PRKAR1B: variants seen among roughly 807,000 people sequenced by gnomAD.
PRKAR1B encodes protein kinase cAMP-dependent type I regulatory subunit beta.
In PRKAR1B, 22 loss-of-function variants were observed where a neutral mutation model predicts 46.5. The ratio of observed to expected loss-of-function variants is 0.47; its 90% confidence interval spans 0.34 to 0.68. The LOEUF (loss-of-function observed/expected upper bound fraction) is 0.68. Ranked by LOEUF, PRKAR1B falls within the 30% of genes least tolerant of loss-of-function variation. PRKAR1B has a pLI of 0.01. For synonymous variants in PRKAR1B, 259 were observed against 217.7 expected (o/e 1.19, Z -1.67); for missense variants, 445 against 535.6 (o/e 0.83, Z 1.67).
chr7:718,949 G>T (rs1439570536), intron 1 of PRKAR1B, among the ~76,000 whole-genome samples: 2 of 141,720 alleles, frequency 1.4e-5, no homozygotes, highest in South Asian at 4.6e-4. Context: ...ATAGCTCTTG[G>T]CAGCCTCAAC....
At chr7:659,516 G>A (rs747198804) in intron 4 of PRKAR1B, among the ~76,000 whole-genome samples, 10 of 152,172 alleles carry the variant, frequency 6.6e-5, no homozygotes, top group Non-Finnish European at 1.0e-4. Context: ...TGCGCATGCA[G>A]GCAGCTGTGA....
At chr7:669,866 TA>T (rs1786131859) in intron 4 of PRKAR1B, among the ~76,000 whole-genome samples, 1 of 140,436 alleles carries the variant, frequency 7.1e-6, no homozygotes, top group African/African-American at 2.7e-5. Context: ...CCACGTGCCA[TA>T]TTTTTTTTTT....
chr7:574,630 G>A, intron 9 of PRKAR1B, among the ~76,000 whole-genome samples: 1 of 152,300 alleles, frequency 6.6e-6, no homozygotes, highest in Non-Finnish European at 1.5e-5. Flanking sequence ...TTTTAGTAGA[G>A]ATGGGGTTTC....
intron 9 of PRKAR1B, among the ~76,000 whole-genome samples, chr7:556,596 G>T (rs142782069): frequency 6.6e-6 from 1 of 152,212 alleles, no homozygotes; most frequent in Non-Finnish European, 1.5e-5. Flanking sequence ...GTGAGGCAAA[G>T]GGGTCGGTCC....
chr7:624,633 TA>T (rs1196743831), intron 4 of PRKAR1B, among the ~76,000 whole-genome samples: 2 of 152,114 alleles, frequency 1.3e-5, no homozygotes, highest in Non-Finnish European at 2.9e-5. Context: ...AAGGAGGTAT[TA>T]AAAAACAGTG....
intron 9 of PRKAR1B, among the ~76,000 whole-genome samples, chr7:566,031 G>A (rs1220202064): frequency 6.6e-6 from 1 of 152,088 alleles, no homozygotes; most frequent in Non-Finnish European, 1.5e-5. Context: ...AGACATATTG[G>A]GAGGATAATG....
At chr7:642,620 G>A (rs1486536551) in intron 4 of PRKAR1B, among the ~76,000 whole-genome samples, 1 of 151,226 alleles carries the variant, frequency 6.6e-6, no homozygotes, top group African/African-American at 2.4e-5. Flanking sequence ...AGCTACTTGG[G>A]AGGCTGAGGC....
intron 4 of PRKAR1B, among the ~76,000 whole-genome samples, chr7:613,875 G>C (rs947936287): frequency 1.1e-4 from 16 of 152,280 alleles, no homozygotes; most frequent in South Asian, 8.3e-4. Flanking sequence ...CCAGCCTGCA[G>C]AGACCTCTCC....
intron 9 of PRKAR1B, among the ~76,000 whole-genome samples, chr7:555,757 G>C (rs1267050097): frequency 6.6e-6 from 1 of 152,142 alleles, no homozygotes; most frequent in Non-Finnish European, 1.5e-5. Flanking sequence ...TCAGAGTCCC[G>C]CTGCCTCCAC....
chr7:588,679 CG>C (rs1780764637), intron 7 of PRKAR1B, among the ~76,000 whole-genome samples: 1 of 23,334 alleles, frequency 4.3e-5, no homozygotes, highest in Non-Finnish European at 9.9e-5. Flanking sequence ...GTGGTGATGA[CG>C]ATGATGGTGA....
chr7:563,751 G>T (rs1260168440), intron 9 of PRKAR1B, among the ~76,000 whole-genome samples: 1 of 151,828 alleles, frequency 6.6e-6, no homozygotes, highest in East Asian at 1.9e-4. Flanking sequence ...GTATGTACGT[G>T]TGTGTGCTCA....
At chr7:693,706 G>A (rs776996196) in intron 2 of PRKAR1B, among the ~76,000 whole-genome samples, 18 of 152,114 alleles carry the variant, frequency 1.2e-4, no homozygotes, top group Non-Finnish European at 2.4e-4. Context: ...TGCTCCAAAC[G>A]CTCATGTAGA....
At chr7:614,302 T>C (rs1782684883) in intron 4 of PRKAR1B, among the ~76,000 whole-genome samples, 1 of 152,208 alleles carries the variant, frequency 6.6e-6, no homozygotes, top group South Asian at 2.1e-4. Flanking sequence ...AGCTCCAAGA[T>C]GGTGGAACAC....
intron 4 of PRKAR1B, among the ~76,000 whole-genome samples, chr7:616,884 C>T (rs1782852650): frequency 6.6e-6 from 1 of 152,112 alleles, no homozygotes; most frequent in African/African-American, 2.4e-5. Context: ...GCCCTTTATT[C>T]TCCATCCAAT....
intron 4 of PRKAR1B, among the ~76,000 whole-genome samples, chr7:656,184 G>T (rs1785175809): frequency 6.6e-6 from 1 of 152,174 alleles, no homozygotes; most frequent in Non-Finnish European, 1.5e-5. Context: ...GTGGAGGGGT[G>T]AATGAATGAA....
Position 725,162 on chromosome 7 carries a change from G to A in PRKAR1B, c.-23+2048C>T, listed in dbSNP as rs1036867692. 5.3e-5 allele frequency among the ~76,000 whole-genome samples: 8 copies of A among 151,376 alleles called. 1 individual carries two copies. The South Asian group carries it at 8.4e-4, about 16-fold the overall frequency. On this transcript the variant is annotated intron_variant, in intron 1 of 10. Coordinates refer to ENST00000537384, the MANE Select transcript of PRKAR1B (RefSeq NM_001164760.2). Reference sequence around the variant, plus strand: ...CTGGGAGGCAGAGTCTGCAGTGAGCGGAGATCGCGCCACTGCACTCCAGGC... The same window carrying A: ...CTGGGAGGCAGAGTCTGCAGTGAGCAGAGATCGCGCCACTGCACTCCAGGC...
intron 1 of PRKAR1B, chr7:726,729 G>A (rs1424653090): frequency 6.5e-6 from 8 of 1,240,288 alleles, no homozygotes; most frequent in Non-Finnish European, 8.1e-6. Context: ...AGATGGCGGC[G>A]CTGGGGGTGG....
chr7:642,703 A>G (rs558891924), intron 4 of PRKAR1B, among the ~76,000 whole-genome samples: 10 of 150,454 alleles, frequency 6.6e-5, no homozygotes, highest in South Asian at 4.2e-4. Flanking sequence ...ACTGCACTCC[A>G]GCCTGGGCGA....
intron 2 of PRKAR1B, among the ~76,000 whole-genome samples, chr7:685,513 T>C (rs767000587): frequency 6.0e-5 from 9 of 150,152 alleles, no homozygotes; most frequent in Non-Finnish European, 1.0e-4. Context: ...TTCTCTAAAC[T>C]GAAGAACATG....
Sources: allele counts gnomAD v4.1 joint callset (sites outside exome capture counted in the v4.1 genomes callset), GRCh38; gene constraint gnomAD v4.1.1; transcripts MANE v1.5; gene names NCBI Gene and HGNC (gene_info 2026-07-23, HGNC 2026-07-21).